Variants in ATL2 observed in about 807,000 individuals in gnomAD.
ATL2 encodes the protein atlastin-2.
A neutral mutation model predicts 73.9 loss-of-function variants in ATL2; 31 were observed. The observed-to-expected ratio is 0.42, with a 90% CI of 0.32 to 0.57. The LOEUF (loss-of-function observed/expected upper bound fraction) is 0.57, where lower values mean the gene tolerates loss of function less well. Among genes scored for constraint, ATL2 ranks in the 20% least tolerant of loss-of-function variants. ATL2 has a pLI of 0.14. For synonymous variants in ATL2, 291 were observed against 237.5 expected (o/e 1.23, Z -2.07); for missense variants, 738 against 702.6 (o/e 1.05, Z -0.57).
chr2:38,314,535 CA>C (rs1667926753), intron 6 of ATL2, 72 bp downstream of exon 6: 7 of 1,118,154 alleles, frequency 6.3e-6, no homozygotes, highest in Non-Finnish European at 1.3e-6. Context: ...CTGGTGTCTC[CA>C]AAATTACAAA....
At chr2:38,326,148 C>G (rs554241999) in intron 2 of ATL2, among the ~76,000 whole-genome samples, 5 of 152,280 alleles carry the variant, frequency 3.3e-5, no homozygotes, top group African/African-American at 9.6e-5. Flanking sequence ...ACTTTACCAC[C>G]TCATCAACAA....
intron 1 of ATL2, among the ~76,000 whole-genome samples, chr2:38,374,132 C>A (rs1480771846): frequency 1.4e-5 from 2 of 147,480 alleles, no homozygotes; most frequent in Non-Finnish European, 2.9e-5. Context: ...CTCAGGTGAT[C>A]CACCTGCCTC....
In ATL2 at chr2:38,364,688, G is replaced by C. The variant is rs142173624; in HGVS notation, c.118+12455C>G. 6.6e-3 allele frequency among the ~76,000 whole-genome samples: 1,009 copies of C among 152,246 alleles called. 5 individuals carry two copies. Among genetic ancestry groups the C allele is most frequent in the Non-Finnish European group, 0.01 (702 of 68,012 alleles). On this transcript the variant is annotated intron_variant, in intron 1 of 12. Transcript: ENST00000378954. ...GTAGCACACGGATCAAGAATTAATC[G>C]AAAACACAGAAGGTTTCCTTGACTC...
chr2:38,353,071 AAAG>A (rs1347225602), intron 1 of ATL2, among the ~76,000 whole-genome samples: 2 of 152,242 alleles, frequency 1.3e-5, no homozygotes, highest in African/African-American at 4.8e-5. Flanking sequence ...ACATACAAAG[AAAG>A]AAGGAAATGT....
intron 2 of ATL2, among the ~76,000 whole-genome samples, chr2:38,319,914 C>A (rs1668227119): frequency 6.6e-6 from 1 of 152,106 alleles, no homozygotes; most frequent in South Asian, 2.1e-4. Context: ...TCGAGACCAG[C>A]CTGGCCAACA....
chr2:38,377,388 CGCCTGTAT>C, upstream of ATL2: 1 of 727,898 alleles, frequency 1.4e-6, no homozygotes, highest in Non-Finnish European at 2.2e-6. Flanking sequence ...CCTCGCCCTC[CGCCTGTAT>C]CTCCTCGCCC....
intron 1 of ATL2, among the ~76,000 whole-genome samples, chr2:38,347,063 G>T (rs777824362): frequency 6.6e-6 from 1 of 152,132 alleles, no homozygotes; most frequent in African/African-American, 2.4e-5. Context: ...TCTATCACTT[G>T]AATATTTATG....
intron 1 of ATL2, chr2:38,376,119 A>C: frequency 6.6e-7 from 1 of 1,518,252 alleles, no homozygotes; most frequent in Non-Finnish European, 8.9e-7. Flanking sequence ...TACTTACCAA[A>C]TCGTAGGCTT....
At chr2:38,367,926 C>T (rs1383533859) in intron 1 of ATL2, among the ~76,000 whole-genome samples, 3 of 151,576 alleles carry the variant, frequency 2.0e-5, no homozygotes, top group Admixed American at 1.3e-4. Context: ...AACCACCACG[C>T]CCGGCCTAAA....
chr2:38,338,521 C>T (rs778961677), intron 2 of ATL2, among the ~76,000 whole-genome samples: 7 of 140,796 alleles, frequency 5.0e-5, no homozygotes, highest in African/African-American at 1.8e-4. Flanking sequence ...TGAGCCCACA[C>T]TGATATAAAG....
Position 38,352,594 on chromosome 2 carries a change from A to G in ATL2, c.119-9082T>C, listed in dbSNP as rs561173087. The stretch of plus-strand genomic sequence containing the variant: ...CAAGGACAACAAGCATCACAGGTGC[A>G]GGGGAACACAACACTATGCAATGCT... On this transcript the variant is annotated intron_variant, in intron 1 of 12. Transcript: ENST00000378954. Among the ~76,000 whole-genome samples the G allele has an allele frequency of 1.3e-3, 198 of 152,312 alleles. 1 individual carries two copies. The highest frequency in any genetic ancestry group is 4.2e-3 in the African/African-American group (174 of 41,584).
At chr2:38,354,091 C>A in intron 1 of ATL2, 2 of 373,332 alleles carry the variant, frequency 5.4e-6, no homozygotes, top group South Asian at 1.9e-5. Flanking sequence ...ACTTGGGAGG[C>A]TGAGGCAGAG....
intron 2 of ATL2, among the ~76,000 whole-genome samples, chr2:38,335,815 GCAGA>G (rs1326635865): frequency 6.6e-6 from 1 of 152,198 alleles, no homozygotes; most frequent in Non-Finnish European, 1.5e-5. Context: ...GCTGACACAG[GCAGA>G]CAATGAGGTC....
chr2:38,369,400 T>C (rs1276074112), intron 1 of ATL2, among the ~76,000 whole-genome samples: 1 of 152,020 alleles, frequency 6.6e-6, no homozygotes, highest in Admixed American at 6.6e-5. Flanking sequence ...CCGAGACTGC[T>C]CTACTGCACT....
intron 1 of ATL2, among the ~76,000 whole-genome samples, chr2:38,355,700 GT>G (rs1253179276): frequency 7.3e-6 from 1 of 137,704 alleles, no homozygotes; most frequent in Admixed American, 7.1e-5. Flanking sequence ...CATTTGTTTG[GT>G]TCTTTTTTTT....
chr2:38,377,630 C>G (rs1672069896), upstream of ATL2, among the ~76,000 whole-genome samples: 1 of 152,154 alleles, frequency 6.6e-6, no homozygotes, highest in African/African-American at 2.4e-5. Flanking sequence ...GAAGGGAGCT[C>G]CAGAGAACTA....
In ATL2 at chr2:38,312,036, C is replaced by T. The variant is rs137887742; in HGVS notation, c.804+1115G>A. On this transcript the variant is annotated intron_variant, in intron 7 of 12. Transcript: ENST00000378954. ...AAAACTAAAAGAAAATTATATCATA[C>T]CCCAAGTCTTTAATGCAGTTGAGAA... is the stretch of plus-strand genomic sequence containing the variant. Among the ~76,000 whole-genome samples, 556 of 152,238 alleles carry T rather than the reference C, an allele frequency of 3.7e-3. 2 individuals carry two copies. Among genetic ancestry groups the T allele is most frequent in the African/African-American group, 0.011 (471 of 41,542 alleles).
chr2:38,359,757 T>C (rs1488989602), intron 1 of ATL2, among the ~76,000 whole-genome samples: 1 of 152,116 alleles, frequency 6.6e-6, no homozygotes, highest in East Asian at 1.9e-4. Context: ...TCAAAAGTAT[T>C]TTTCCCCAAA....
At position 38,318,569 on chromosome 2, in the gene ATL2, A is replaced by G; in HGVS notation, c.569T>C (p.Val190Ala). The change falls in exon 4 of 13, where the codon GTG becomes GCG. Residue 190 changes from valine (V) to alanine (A), a missense_variant. Transcript: ENST00000378954. ...SQSTIKDCATVFALSTMTSSV... is the reference protein window; with the variant it reads ...SQSTIKDCATAFALSTMTSSV... Reference sequence around the variant, plus strand: ...GCTAGTCATAGTGCTCAGAGCAAACACCGTTGCACAGTCTTTGATAGTTGA... The same window carrying G: ...GCTAGTCATAGTGCTCAGAGCAAACGCCGTTGCACAGTCTTTGATAGTTGA... The G allele has an allele frequency of 6.2e-7, 1 of 1,611,764 alleles. No individual in the cohort carries two copies. Among genetic ancestry groups the G allele is most frequent in the Non-Finnish European group, 8.5e-7 (1 of 1,179,386 alleles).
Sources: gnomAD v4.1 joint callset for allele counts (sites outside exome capture counted in the v4.1 genomes callset) on GRCh38, gnomAD v4.1.1 for gene constraint, MANE v1.5 for transcripts, NCBI Gene and HGNC (gene_info 2026-07-23, HGNC 2026-07-21) for gene names.